Variants in TSPAN18 observed in about 807,000 individuals in gnomAD.
TSPAN18 encodes tetraspanin-18.
TSPAN18 carries 14 observed loss-of-function variants against 27.3 expected under a neutral mutation model. That is an observed-to-expected ratio of 0.51 (90% CI 0.34 to 0.80). The LOEUF is 0.80. Among genes scored for constraint, TSPAN18 ranks in the 30% least tolerant of loss-of-function variants. The pLI is 0.01. For missense variants in TSPAN18, 268 were observed against 323.9 expected (o/e 0.83, Z 1.32); for synonymous variants, 143 against 136.5 (o/e 1.05, Z -0.33).
intron 2 of TSPAN18, among the ~76,000 whole-genome samples, chr11:44,789,611 G>A (rs531625190): frequency 2.3e-4 from 35 of 152,202 alleles, no homozygotes; most frequent in African/African-American, 7.9e-4. Flanking sequence ...AGGGAGGTGA[G>A]CTCTTGAGGA....
chr11:44,761,179 A>G (rs1163375886), intron 1 of TSPAN18, among the ~76,000 whole-genome samples: 1 of 152,184 alleles, frequency 6.6e-6, no homozygotes, highest in Non-Finnish European at 1.5e-5. Flanking sequence ...ACAGAGCAAG[A>G]TCAAGTCTGG....
intron 8 of TSPAN18, among the ~76,000 whole-genome samples, chr11:44,924,096 GTT>G (rs1491173242): frequency 1.3e-5 from 1 of 78,430 alleles, no homozygotes; most frequent in African/African-American, 7.7e-5. Context: ...CCCTTCTGGG[GTT>G]GTGTGTGTGT....
intron 5 of TSPAN18, among the ~76,000 whole-genome samples, chr11:44,915,744 C>T (rs1204118650): frequency 2.0e-5 from 3 of 152,214 alleles, no homozygotes; most frequent in Non-Finnish European, 4.4e-5. Flanking sequence ...GGGGAGTGTT[C>T]TTTCTGCAAA....
At chr11:44,806,687 A>G (rs569134790) in intron 2 of TSPAN18, among the ~76,000 whole-genome samples, 39 of 152,312 alleles carry the variant, frequency 2.6e-4, no homozygotes, top group Admixed American at 4.6e-4. Flanking sequence ...AAATCTGTCT[A>G]ACTCATCTTG....
chr11:44,826,054 T>C (rs1298937735), intron 2 of TSPAN18, among the ~76,000 whole-genome samples: 1 of 152,098 alleles, frequency 6.6e-6, no homozygotes, highest in Admixed American at 6.5e-5. Flanking sequence ...TAGTGGGAGA[T>C]AGGGGCCACA....
At chr11:44,910,836 G>A (rs894190613) in intron 5 of TSPAN18, among the ~76,000 whole-genome samples, 35 of 152,312 alleles carry the variant, frequency 2.3e-4, no homozygotes, top group African/African-American at 7.0e-4. Flanking sequence ...GCTGGGCAGT[G>A]GGCAGGCCTG....
chr11:44,731,741 C>T (rs1310054783), intron 1 of TSPAN18, among the ~76,000 whole-genome samples: 1 of 151,812 alleles, frequency 6.6e-6, no homozygotes, highest in African/African-American at 2.4e-5. Context: ...TGAGGGACTC[C>T]TGAATGTTGT....
intron 3 of TSPAN18, among the ~76,000 whole-genome samples, chr11:44,862,821 A>G (rs991271130): frequency 3.9e-5 from 6 of 152,226 alleles, no homozygotes; most frequent in African/African-American, 1.4e-4. Flanking sequence ...TGCAGCAGAA[A>G]TAGCAGAATG....
chr11:44,729,069 A>G (rs750777176), intron 1 of TSPAN18, among the ~76,000 whole-genome samples: 4 of 152,174 alleles, frequency 2.6e-5, no homozygotes, highest in South Asian at 2.1e-4. Flanking sequence ...CCTCTGTTCA[A>G]TGTAGTCTGC....
rs185612857 is a variant in TSPAN18, at chr11:44,848,212, C to T, written c.-152-12116C>T. On this transcript the variant is annotated intron_variant, in intron 2 of 9. Transcript: ENST00000520358. ...AAAGGAGGATGAGGGGCAGGGGTCT[C>T]CTGTGCCTGGCTGACCTTGCCCCTG... 2.4e-3 allele frequency among the ~76,000 whole-genome samples: 363 copies of T among 152,302 alleles called. 2 individuals are homozygous for T. Among genetic ancestry groups the T allele is most frequent in the African/African-American group, 8.3e-3 (347 of 41,562 alleles).
chr11:44,740,166 C>T (rs533137428), intron 1 of TSPAN18, among the ~76,000 whole-genome samples: 11 of 152,284 alleles, frequency 7.2e-5, no homozygotes, highest in East Asian at 3.9e-4. Flanking sequence ...GCTTTGTCCC[C>T]GCAAATGTCA....
intron 1 of TSPAN18, among the ~76,000 whole-genome samples, chr11:44,730,147 C>T (rs1359694985): frequency 6.6e-6 from 1 of 152,018 alleles, no homozygotes; most frequent in Non-Finnish European, 1.5e-5. Context: ...CAAAATCCTG[C>T]GTTGAGTGAA....
Position 44,751,078 on chromosome 11 carries a change from A to G in TSPAN18, c.-239-13348A>G, listed in dbSNP as rs77688427. On this transcript the variant is annotated intron_variant, in intron 1 of 9. Coordinates refer to ENST00000520358, the MANE Select transcript of TSPAN18 (RefSeq NM_130783.5). ...GACTTTTAGGGCACGTAAATGGGCA[A>G]TACTATCAGAGCAGGTAGAGATCAC... is the stretch of plus-strand genomic sequence containing the variant. Among the ~76,000 whole-genome samples the G allele has an allele frequency of 3.8e-3, 572 of 152,334 alleles. 21 individuals are homozygous for G. In the East Asian group the frequency reaches 0.087, roughly 23 times the overall value.
At chr11:44,845,513 C>A (rs12283994) in intron 2 of TSPAN18, among the ~76,000 whole-genome samples, 1 of 152,174 alleles carries the variant, frequency 6.6e-6, no homozygotes, top group Non-Finnish European at 1.5e-5. Context: ...ATGAAGAAAA[C>A]ACAATGGGAG....
intron 3 of TSPAN18, among the ~76,000 whole-genome samples, chr11:44,886,774 A>G (rs1858669499): frequency 6.6e-6 from 1 of 152,252 alleles, no homozygotes; most frequent in Non-Finnish European, 1.5e-5. Context: ...GGCATTGGCC[A>G]AATGACTTTG....
At chr11:44,900,221 C>T (rs1344328899) in intron 3 of TSPAN18, among the ~76,000 whole-genome samples, 1 of 152,210 alleles carries the variant, frequency 6.6e-6, no homozygotes, top group Non-Finnish European at 1.5e-5. Flanking sequence ...GGGGATGGAG[C>T]AGGCAAGCCC....
chr11:44,810,478 A>G (rs1856688971), intron 2 of TSPAN18, among the ~76,000 whole-genome samples: 1 of 152,166 alleles, frequency 6.6e-6, no homozygotes, highest in Non-Finnish European at 1.5e-5. Context: ...GTGGCTGAAT[A>G]ATATTCCATA....
At chr11:44,867,389 C>CTTTT (rs71038824) in intron 3 of TSPAN18, among the ~76,000 whole-genome samples, 1,490 of 60,420 alleles carry the variant, frequency 0.025, 364 homozygotes, top group Non-Finnish European at 0.036. Context: ...GTTTATGAAT[C>CTTTT]TTTTTTTTTT....
rs374689431 is a variant in TSPAN18 at position 44,841,028 on chromosome 11, GC to G, written c.-152-19299del. Among the ~76,000 whole-genome samples the G allele has an allele frequency of 3.9e-4, 59 of 152,274 alleles. 1 individual carries two copies. In the East Asian group the frequency reaches 8.3e-3, roughly 21 times the overall value. ...CATTTTCATCCCTTGGGGAACTCTT[GC>G]ATCAGCACCCCCCAGGGCAGCAGGA... On this transcript the variant is annotated intron_variant, in intron 2 of 9. Coordinates refer to ENST00000520358, the MANE Select transcript of TSPAN18 (RefSeq NM_130783.5).
Sources: gnomAD v4.1 joint callset for allele counts (sites outside exome capture counted in the v4.1 genomes callset) on GRCh38, gnomAD v4.1.1 for gene constraint, MANE v1.5 for transcripts, NCBI Gene and HGNC (gene_info 2026-07-23, HGNC 2026-07-21) for gene names.